Variants in BICRA observed in about 807,000 individuals in gnomAD.
BICRA encodes BRD4 interacting chromatin remodeling complex associated protein.
In BICRA, 31 loss-of-function variants were observed where a neutral mutation model predicts 96.9. That is an observed-to-expected ratio of 0.32 (90% CI 0.24 to 0.43). BICRA has a LOEUF of 0.43. BICRA is among the 20% of genes least tolerant of loss of function. The pLI is 1.00. For missense variants in BICRA, 2,283 were observed against 2,190.3 expected (o/e 1.04, Z -0.84); for synonymous variants, 1,350 against 1,071.8 (o/e 1.26, Z -5.07).
intron 2 of BICRA, among the ~76,000 whole-genome samples, chr19:47,671,722 G>A (rs1972864524): frequency 6.6e-6 from 1 of 150,550 alleles, no homozygotes; most frequent in African/African-American, 2.4e-5. Flanking sequence ...TAGATGGGTA[G>A]AAGGATGGAG....
intron 1 of BICRA, among the ~76,000 whole-genome samples, chr19:47,644,097 C>A (rs1972422597): frequency 6.6e-6 from 1 of 152,148 alleles, no homozygotes; most frequent in Non-Finnish European, 1.5e-5. Flanking sequence ...TGGCTCACTG[C>A]AGCCTCTACC....
intron 1 of BICRA, among the ~76,000 whole-genome samples, chr19:47,646,320 C>A (rs572411381): frequency 6.6e-6 from 1 of 152,268 alleles, no homozygotes; most frequent in East Asian, 1.9e-4. Context: ...CTGGAAACTT[C>A]CCTATGTCTC....
Position 47,698,880 on chromosome 19 carries a change from A to G in BICRA, c.3398-85A>G, listed in dbSNP as rs910334479. ...TGGAGCCGCAGGTCCACGGTGCGCTATGCTGACCCTGCCCCGCCCTCCTTC... is the reference window on the plus strand; with the variant it reads ...TGGAGCCGCAGGTCCACGGTGCGCTGTGCTGACCCTGCCCCGCCCTCCTTC... On this transcript the variant is annotated intron_variant, in intron 12 of 14. Transcript: ENST00000594866. The surrounding 1 kb of genome is among the most constrained non-coding windows in gnomAD (Gnocchi z 4.8). The G allele has an allele frequency of 3.7e-6, 5 of 1,347,948 alleles. No individual in the cohort carries two copies. In the Admixed American group the frequency reaches 5.9e-5, roughly 16 times the overall value. The allele number at this position is 1,347,948 out of a possible 1,614,324, so 83.5% of individuals were successfully genotyped here. A position where few individuals can be genotyped will look rare whatever the true frequency, so the allele number is the denominator to read the frequency against.
chr19:47,686,185 C>T (rs1231185507), intron 7 of BICRA, among the ~76,000 whole-genome samples: 2 of 152,122 alleles, frequency 1.3e-5, no homozygotes, highest in Non-Finnish European at 2.9e-5. Flanking sequence ...TCTGCCTTGG[C>T]CTCCCAAAGT....
chr19:47,691,442 C>A (rs1319291371), intron 7 of BICRA, among the ~76,000 whole-genome samples: 2 of 152,226 alleles, frequency 1.3e-5, no homozygotes, highest in African/African-American at 4.8e-5. Context: ...CATTGTCAGC[C>A]TTTTGCTACA....
Position 47,701,257 on chromosome 19 carries a change from A to C in BICRA, c.3596-71A>C. The C allele has an allele frequency of 9.2e-7, 1 of 1,089,592 alleles. No individual in the cohort carries two copies. Among genetic ancestry groups the C allele is most frequent in the Non-Finnish European group, 1.4e-6 (1 of 731,602 alleles). The allele number at this position is 1,089,592 out of a possible 1,614,324, so 67.5% of individuals were successfully genotyped here. A position where few individuals can be genotyped will look rare whatever the true frequency, so the allele number is the denominator to read the frequency against. On this transcript the variant is annotated intron_variant, in intron 14 of 14. Transcript: ENST00000594866. The surrounding 1 kb of genome is among the most constrained non-coding windows in gnomAD (Gnocchi z 5.4). ...GGCAGGTAGTAGGTGCTCACTGCAC[A>C]CAGCTCCTCCCAGCTCGGTCGGGGG...
intron 8 of BICRA, 58 bp downstream of exon 8, chr19:47,694,784 T>C: frequency 9.3e-7 from 1 of 1,071,588 alleles, no homozygotes; most frequent in East Asian, 2.4e-5. Flanking sequence ...ACCCTCTCAG[T>C]CTGATGGGAG....
At chr19:47,661,195 CT>C (rs1972698670) in intron 1 of BICRA, among the ~76,000 whole-genome samples, 1 of 128,692 alleles carries the variant, frequency 7.8e-6, no homozygotes, top group Admixed American at 8.5e-5. Context: ...GCCTGGGTGA[CT>C]GAGCGAGACT....
chr19:47,655,316 A>T (rs1439132608), intron 1 of BICRA, among the ~76,000 whole-genome samples: 2 of 151,878 alleles, frequency 1.3e-5, no homozygotes, highest in African/African-American at 4.8e-5. Context: ...ACCTGAGATC[A>T]GGAGTTCGAG....
chr19:47,630,708 G>A (rs779534576), intron 1 of BICRA, among the ~76,000 whole-genome samples: 2 of 152,138 alleles, frequency 1.3e-5, no homozygotes, highest in East Asian at 1.9e-4. Context: ...TGTGAACGAC[G>A]TTGCTGTGAA....
At chr19:47,669,460 G>A (rs1221811797) in intron 1 of BICRA, among the ~76,000 whole-genome samples, 1 of 151,960 alleles carries the variant, frequency 6.6e-6, no homozygotes, top group Non-Finnish European at 1.5e-5. Context: ...ACTGCAAATA[G>A]CAAGAATTGG....
chr19:47,693,114 G>C (rs1488822945), intron 7 of BICRA, among the ~76,000 whole-genome samples: 1 of 152,248 alleles, frequency 6.6e-6, no homozygotes, highest in Non-Finnish European at 1.5e-5. Flanking sequence ...AGCATGAGCT[G>C]TTACTAGGAT....
chr19:47,685,080 C>T (rs1973123867), intron 7 of BICRA, among the ~76,000 whole-genome samples: 1 of 152,196 alleles, frequency 6.6e-6, no homozygotes, highest in Non-Finnish European at 1.5e-5. Context: ...AGTGATCCTC[C>T]CACCTCAGCC....
chr19:47,637,777 T>C (rs1189395854), intron 1 of BICRA, among the ~76,000 whole-genome samples: 1 of 152,186 alleles, frequency 6.6e-6, no homozygotes, highest in Non-Finnish European at 1.5e-5. Flanking sequence ...GTAATTCACA[T>C]AAACATGATC....
Position 47,694,655 on chromosome 19 carries a change from A to G in BICRA, c.2824A>G (p.Thr942Ala). ...PAAPPPPPPR[T>A]FQMVTTPFPA... The stretch of plus-strand genomic sequence containing the variant: ...AGCACCCCCCCCACCGCCTCCTCGG[A>G]CCTTCCAGATGGTGACCACCCCCTT... Residue 942 changes from threonine to alanine, a missense_variant, in exon 8 of 15, where the codon ACC becomes GCC. Physicochemically the swap from Thr to Ala is moderately conservative, Grantham distance 58. Coordinates refer to ENST00000594866, the MANE Select transcript of BICRA (RefSeq NM_001394372.1). 7.3e-7 allele frequency: 1 copy of G among 1,365,758 alleles called. No individual in the cohort carries two copies. The highest frequency in any genetic ancestry group is 9.9e-7 in the Non-Finnish European group (1 of 1,010,128). The allele number at this position is 1,365,758 out of a possible 1,614,324, so 84.6% of individuals were successfully genotyped here.
chr19:47,618,346 G>A (rs1972014326), intron 1 of BICRA, among the ~76,000 whole-genome samples: 1 of 152,136 alleles, frequency 6.6e-6, no homozygotes, highest in Non-Finnish European at 1.5e-5. Context: ...CCCTCCTTTA[G>A]TCCAGGTTAG....
intron 1 of BICRA, among the ~76,000 whole-genome samples, chr19:47,624,232 A>G (rs1972107177): frequency 6.6e-6 from 1 of 151,480 alleles, no homozygotes; most frequent in African/African-American, 2.4e-5. Context: ...CTTATCTCCT[A>G]CCCTTTTCAT....
intron 1 of BICRA, among the ~76,000 whole-genome samples, chr19:47,634,232 C>T (rs947739399): frequency 6.6e-6 from 1 of 152,206 alleles, no homozygotes; most frequent in Admixed American, 6.5e-5. Context: ...GGAACCCATT[C>T]TCTGAAGGCT....
chr19:47,621,977 T>A (rs1346520428), intron 1 of BICRA, among the ~76,000 whole-genome samples: 1 of 151,512 alleles, frequency 6.6e-6, no homozygotes, highest in African/African-American at 2.4e-5. Flanking sequence ...CTTTATTTTT[T>A]TTTTTTTGAG....
Sources: gnomAD v4.1 joint callset for allele counts (sites outside exome capture counted in the v4.1 genomes callset) on GRCh38, gnomAD v4.1.1 for gene constraint, Gnocchi (gnomAD v3.1) non-coding constraint, MANE v1.5 for transcripts, NCBI Gene and HGNC (gene_info 2026-07-23, HGNC 2026-07-21) for gene names.